MASP1: variants seen among roughly 807,000 people sequenced by gnomAD.
MASP1 encodes MBL associated serine protease 1, also known as mannan-binding lectin serine protease 1.
In MASP1, 59 loss-of-function variants were observed where a neutral mutation model predicts 77.1. That is an observed-to-expected ratio of 0.77 (90% CI 0.62 to 0.95). The LOEUF (loss-of-function observed/expected upper bound fraction) is 0.95. MASP1 is among the 40% of genes least tolerant of loss of function. The pLI is 0.00. For synonymous variants in MASP1, 362 were observed against 354.5 expected, an observed-to-expected ratio of 1.02 and a Z score of -0.24; for missense variants, 885 against 912.9, an observed-to-expected ratio of 0.97 and a Z score of 0.39.
At chr3:187,246,665 G>A (rs1006655409) in intron 8 of MASP1, 27 of 988,798 alleles carry the variant, frequency 2.7e-5, no homozygotes, top group Non-Finnish European at 3.1e-5. Flanking sequence ...CTGCTTTCAG[G>A]TGTGATCCTA....
chr3:187,229,919 A>T (rs765802305), downstream of MASP1: 1 of 1,613,924 alleles, frequency 6.2e-7, no homozygotes, highest in Non-Finnish European at 8.5e-7. Flanking sequence ...GGAGGGAGGG[A>T]GAGACAGATC....
chr3:187,253,633 A>G (rs1362994812), intron 5 of MASP1, among the ~76,000 whole-genome samples: 2 of 152,192 alleles, frequency 1.3e-5, no homozygotes, highest in Non-Finnish European at 2.9e-5. Context: ...TGTGGCACAT[A>G]TACACTGTGG....
chr3:187,283,014 G>C (rs1438830098), intron 2 of MASP1, among the ~76,000 whole-genome samples: 1 of 152,160 alleles, frequency 6.6e-6, no homozygotes, highest in Non-Finnish European at 1.5e-5. Flanking sequence ...GAGCAGAGAG[G>C]GTGCTGTAAA....
At position 187,262,602 on chromosome 3, in the gene MASP1, C is replaced by T. The variant is rs141761989; in HGVS notation, c.356G>A (p.Arg119Gln). ...ACGCTCCTCATTGGAGAAATCTGAC[C>T]GGAAAGTGATGGACATGAAGGAGCC... ...SPGSFMSITF[R>Q]SDFSNEERFT... is the part of the protein sequence containing the mutation. The change falls in exon 3 of 11, where the codon CGG becomes CAG. Residue 119 changes from arginine (R) to glutamine (Q), a missense_variant. Physicochemically the swap from Arg to Gln is conservative, Grantham distance 43. Coordinates refer to ENST00000296280, the MANE Select transcript of MASP1 (RefSeq NM_139125.4). The T allele has an allele frequency of 7.1e-5, 114 of 1,614,004 alleles. No individual in the cohort carries two copies. The African/African-American group carries it at 8.9e-4, about 13-fold the overall frequency.
At position 187,237,365 on chromosome 3, in the gene MASP1, G is replaced by A. The variant is rs1005756; in HGVS notation, c.1304-798C>T. 1.9e-4 allele frequency among the ~76,000 whole-genome samples: 29 copies of A among 152,260 alleles called. No individual in the cohort carries two copies. The East Asian group carries it at 5.6e-3, about 29-fold the overall frequency. On this transcript the variant is annotated intron_variant, in intron 10 of 10. Coordinates refer to ENST00000296280, the MANE Select transcript of MASP1 (RefSeq NM_139125.4). ...AGATTCTAAGTCTTGTATCCCACAC[G>A]GACTTAACAGATATTAAGACCATGG...
rs116595107 is a variant in MASP1 at position 187,251,637 on chromosome 3, C to G, written c.1008G>C (p.Leu336=). The G allele has an allele frequency of 6.2e-7, 1 of 1,613,672 alleles. No homozygotes were observed. Among genetic ancestry groups the G allele is most frequent in the Non-Finnish European group, 8.5e-7 (1 of 1,179,734 alleles). The change falls in exon 7 of 11, where the codon CTG becomes CTC. Residue 336 remains leucine (L), a synonymous_variant. Transcript: ENST00000296280. The stretch of plus-strand genomic sequence containing the variant: ...TTTCCCAGGCAAGGCTCTGCACCTT[C>G]AGCACTTTGTAGCCTGTGTCACAGC... ...LVSCDTGYKV[L]KDNVEMDTFQ...
chr3:187,275,601 T>A (rs1450592295), intron 2 of MASP1, among the ~76,000 whole-genome samples: 1 of 152,192 alleles, frequency 6.6e-6, no homozygotes, highest in Non-Finnish European at 1.5e-5. Context: ...TCAAGTTTCA[T>A]AAACTTAAAA....
At chr3:187,256,954 A>C in intron 4 of MASP1, 94 bp from the exon 5 acceptor site, 1 of 1,087,738 alleles carries the variant, frequency 9.2e-7, no homozygotes, top group Non-Finnish European at 1.4e-6. Flanking sequence ...CAATGGTCCC[A>C]AGCAGTAGAC....
intron 3 of MASP1, 87 bp from the exon 4 acceptor site, chr3:187,260,959 C>T: frequency 6.9e-7 from 1 of 1,455,726 alleles, no homozygotes; most frequent in Non-Finnish European, 9.6e-7. Flanking sequence ...ATATGGGCCA[C>T]TCACTATGTT....
intron 8 of MASP1, among the ~76,000 whole-genome samples, chr3:187,245,840 A>G (rs1410782948): frequency 1.3e-5 from 2 of 152,184 alleles, no homozygotes; most frequent in Middle Eastern, 6.8e-3. Flanking sequence ...CTCCATGGTA[A>G]TTTCTTGTTG....
intron 8 of MASP1, among the ~76,000 whole-genome samples, chr3:187,248,959 G>A (rs1378976371): frequency 6.6e-6 from 1 of 152,222 alleles, no homozygotes; most frequent in African/African-American, 2.4e-5. Context: ...CTGAATCAAG[G>A]CCATGTAGGA....
At chr3:187,282,839 C>A (rs1340343640) in intron 2 of MASP1, among the ~76,000 whole-genome samples, 1 of 152,218 alleles carries the variant, frequency 6.6e-6, no homozygotes, top group African/African-American at 2.4e-5. Flanking sequence ...GTCTATCTCA[C>A]CTCCCGCCGC....
At chr3:187,289,641 G>A (rs1718147296) in intron 1 of MASP1, among the ~76,000 whole-genome samples, 1 of 152,206 alleles carries the variant, frequency 6.6e-6, no homozygotes, top group South Asian at 2.1e-4. Flanking sequence ...TGAGGCCTGA[G>A]CACTGGCATG....
At chr3:187,226,374 C>T (rs1297269237) in intron 12 of MASP1, 9 of 1,495,556 alleles carry the variant, frequency 6.0e-6, no homozygotes, top group Non-Finnish European at 8.3e-6. Flanking sequence ...CCACAGCTGG[C>T]TTTGGGAGTC....
At chr3:187,224,032 A>G (rs977982742) in intron 13 of MASP1, among the ~76,000 whole-genome samples, 3 of 152,216 alleles carry the variant, frequency 2.0e-5, no homozygotes, top group Non-Finnish European at 2.9e-5. Context: ...AAAGCCAGCT[A>G]CACCTGTGCC....
At chr3:187,246,519 T>C in intron 8 of MASP1, 7 of 985,458 alleles carry the variant, frequency 7.1e-6, no homozygotes, top group Non-Finnish European at 8.4e-6. Context: ...GATCGGGCAG[T>C]CCATTTAATG....
exon 16 of MASP1, chr3:187,220,254 C>T (rs1560224972): frequency 1.4e-5 from 22 of 1,614,046 alleles, no homozygotes; most frequent in Non-Finnish European, 1.7e-6. Flanking sequence ...CACAGGCGTC[C>T]TTTCCCCCTA....
chr3:187,253,725 A>G (rs1382431462), intron 5 of MASP1, among the ~76,000 whole-genome samples: 1 of 152,202 alleles, frequency 6.6e-6, no homozygotes, highest in Admixed American at 6.5e-5. Context: ...ATTCTCAGCA[A>G]ACTAACACAG....
chr3:187,236,633 G>T, intron 10 of MASP1, 66 bp from the exon 11 acceptor site: 1 of 1,612,232 alleles, frequency 6.2e-7, no homozygotes, highest in Non-Finnish European at 8.5e-7. Context: ...TGTGACAGGA[G>T]CCACAAAGAT....
Sources: gnomAD v4.1 joint callset for allele counts (sites outside exome capture counted in the v4.1 genomes callset) on GRCh38, gnomAD v4.1.1 for gene constraint, MANE v1.5 for transcripts, NCBI Gene and HGNC (gene_info 2026-07-23, HGNC 2026-07-21) for gene names.